The following LRMDA variants were observed in gnomAD, a reference collection of about 807,000 sequenced individuals.
The protein encoded by LRMDA is leucine-rich melanocyte differentiation-associated protein.
LRMDA carries 18 observed loss-of-function variants against 29.8 expected under a neutral mutation model. The observed-to-expected ratio is 0.60, with a 90% CI of 0.42 to 0.90. LRMDA has a LOEUF of 0.90. Among genes scored for constraint, LRMDA ranks in the 40% least tolerant of loss-of-function variants. The pLI, the probability that LRMDA is intolerant of heterozygous loss-of-function variation, is 0.00. For missense variants in LRMDA, 273 were observed against 273.9 expected (o/e 1.00, Z 0.02); for synonymous variants, 125 against 109.4 (o/e 1.14, Z -0.89).
At chr10:76,315,041 T>C (rs1303522369) in intron 5 of LRMDA, among the ~76,000 whole-genome samples, 1 of 152,212 alleles carries the variant, frequency 6.6e-6, no homozygotes, top group Non-Finnish European at 1.5e-5. Flanking sequence ...ATCAAGTTCA[T>C]TGTACAGTGC....
chr10:76,198,850 C>T (rs186745747), intron 5 of LRMDA, among the ~76,000 whole-genome samples: 14 of 152,210 alleles, frequency 9.2e-5, no homozygotes, highest in African/African-American at 7.2e-5. Flanking sequence ...GTGCAGATTT[C>T]GAGGATGATG....
intron 4 of LRMDA, among the ~76,000 whole-genome samples, chr10:76,055,946 G>A (rs1848608364): frequency 6.6e-6 from 1 of 152,240 alleles, no homozygotes; most frequent in Non-Finnish European, 1.5e-5. Flanking sequence ...GTGGCGAGTG[G>A]GGGGACATGT....
At chr10:76,046,673 C>G (rs765161228) in intron 3 of LRMDA, among the ~76,000 whole-genome samples, 1 of 151,890 alleles carries the variant, frequency 6.6e-6, no homozygotes, top group Non-Finnish European at 1.5e-5. Context: ...TTAGTAGAGA[C>G]GGGTTTCACC....
chr10:75,536,873 T>C (rs1839956562), intron 2 of LRMDA, among the ~76,000 whole-genome samples: 1 of 152,156 alleles, frequency 6.6e-6, no homozygotes, highest in Non-Finnish European at 1.5e-5. Flanking sequence ...TGAAGCATTT[T>C]TGATCTAGGA....
intron 5 of LRMDA, among the ~76,000 whole-genome samples, chr10:76,320,197 T>C (rs749866366): frequency 6.6e-6 from 1 of 152,222 alleles, no homozygotes; most frequent in Non-Finnish European, 1.5e-5. Context: ...CCTTCCTTCT[T>C]TCCATTATGG....
intron 2 of LRMDA, among the ~76,000 whole-genome samples, chr10:75,686,118 A>G (rs1842078766): frequency 6.6e-6 from 1 of 152,196 alleles, no homozygotes; most frequent in Admixed American, 6.5e-5. Flanking sequence ...TGCTGAAGGA[A>G]CAACAGGGTA....
At chr10:75,605,004 AT>A (rs966664857) in intron 2 of LRMDA, among the ~76,000 whole-genome samples, 1 of 152,124 alleles carries the variant, frequency 6.6e-6, no homozygotes, top group African/African-American at 2.4e-5. Context: ...TTGTTTAGAG[AT>A]TTGTCTCTAT....
chr10:75,444,994 A>T (rs1844373917), intron 2 of LRMDA, among the ~76,000 whole-genome samples: 2 of 152,082 alleles, frequency 1.3e-5, no homozygotes, highest in African/African-American at 4.8e-5. Flanking sequence ...AACGATCATG[A>T]CTCACTGCAA....
chr10:75,887,205 A>G (rs192074264), intron 2 of LRMDA, among the ~76,000 whole-genome samples: 337 of 151,210 alleles, frequency 2.2e-3, no homozygotes, highest in Middle Eastern at 3.5e-3. Flanking sequence ...ACAAAATAAT[A>G]TATATGAATG....
At chr10:76,300,732 T>C (rs1840470605) in intron 5 of LRMDA, among the ~76,000 whole-genome samples, 1 of 152,192 alleles carries the variant, frequency 6.6e-6, no homozygotes, top group African/African-American at 2.4e-5. Flanking sequence ...GTTACCTTAA[T>C]TTGCAACAGT....
At chr10:75,727,224 T>C (rs1842641621) in intron 2 of LRMDA, among the ~76,000 whole-genome samples, 1 of 152,208 alleles carries the variant, frequency 6.6e-6, no homozygotes, top group South Asian at 2.1e-4. Context: ...TGTGCATGTT[T>C]CTGTGGGATG....
At chr10:76,382,774 T>C (rs1841608331) in intron 6 of LRMDA, among the ~76,000 whole-genome samples, 1 of 152,116 alleles carries the variant, frequency 6.6e-6, no homozygotes, top group Non-Finnish European at 1.5e-5. Context: ...TCTTCCCTCA[T>C]TGCACATCTG....
chr10:75,967,062 G>A (rs1394061613), intron 2 of LRMDA, among the ~76,000 whole-genome samples: 1 of 152,162 alleles, frequency 6.6e-6, no homozygotes, highest in Non-Finnish European at 1.5e-5. Flanking sequence ...TTTAGACTGG[G>A]GTAGTCAGTA....
intron 2 of LRMDA, among the ~76,000 whole-genome samples, chr10:75,700,437 C>CTTTT (rs1156446140): frequency 7.4e-6 from 1 of 135,704 alleles, no homozygotes; most frequent in Non-Finnish European, 1.6e-5. Flanking sequence ...CTTTCTCATT[C>CTTTT]TTTTTTTTTT....
At chr10:76,182,756 G>A (rs1564677614) in intron 5 of LRMDA, among the ~76,000 whole-genome samples, 1 of 152,178 alleles carries the variant, frequency 6.6e-6, no homozygotes, top group Non-Finnish European at 1.5e-5. Flanking sequence ...AAAGAACTGT[G>A]GAAGGAGAGA....
chr10:76,431,310 T>A (rs1003897147), intron 6 of LRMDA, among the ~76,000 whole-genome samples: 10 of 152,310 alleles, frequency 6.6e-5, no homozygotes, highest in South Asian at 2.1e-4. Flanking sequence ...TAGGAGCTTT[T>A]TGCTGTTGAA....
intron 2 of LRMDA, among the ~76,000 whole-genome samples, chr10:75,829,534 T>C (rs1428743246): frequency 1.3e-5 from 2 of 152,224 alleles, no homozygotes; most frequent in East Asian, 3.8e-4. Context: ...CTAAATCTGG[T>C]GTTCTGAGTC....
At chr10:75,570,989 C>T (rs568420341) in intron 2 of LRMDA, among the ~76,000 whole-genome samples, 1 of 152,284 alleles carries the variant, frequency 6.6e-6, no homozygotes, top group South Asian at 2.1e-4. Context: ...AGGCACATTT[C>T]TTTGACATTT....
chr10:75,984,323 A>G (rs1847225748), intron 2 of LRMDA, among the ~76,000 whole-genome samples: 1 of 152,162 alleles, frequency 6.6e-6, no homozygotes, highest in African/African-American at 2.4e-5. Flanking sequence ...AGAAAGAGAC[A>G]AGAGCTCAGG....
Sources: gnomAD v4.1 joint callset for allele counts (sites outside exome capture counted in the v4.1 genomes callset) on GRCh38, gnomAD v4.1.1 for gene constraint, MANE v1.5 for transcripts, NCBI Gene and HGNC (gene_info 2026-07-23, HGNC 2026-07-21) for gene names.